The following NRG3 variants were observed in gnomAD, a reference collection of about 807,000 sequenced individuals.
NRG3 encodes neuregulin 3.
NRG3 carries 31 observed loss-of-function variants against 66.9 expected under a neutral mutation model. The ratio of observed to expected loss-of-function variants is 0.46; its 90% CI spans 0.35 to 0.63. The LOEUF is 0.63. NRG3 is among the 20% of genes least tolerant of loss of function. The pLI is 0.00. For synonymous variants in NRG3, 393 were observed against 359.4 expected (o/e 1.09, Z -1.06); for missense variants, 910 against 878.9 (o/e 1.04, Z -0.45).
At chr10:82,305,057 C>A (rs2080644224) in intron 1 of NRG3, among the ~76,000 whole-genome samples, 1 of 125,162 alleles carries the variant, frequency 8.0e-6, no homozygotes, top group African/African-American at 3.1e-5. Flanking sequence ...TGCAGTGGTG[C>A]GATCTCAGCT....
intron 2 of NRG3, among the ~76,000 whole-genome samples, chr10:82,431,728 T>TA (rs556508858): frequency 6.6e-5 from 10 of 152,126 alleles, no homozygotes; most frequent in Admixed American, 5.9e-4. Flanking sequence ...ATCAAAACAT[T>TA]AAAAAAAGAT....
intron 1 of NRG3, among the ~76,000 whole-genome samples, chr10:82,260,604 G>C (rs545568241): frequency 6.6e-6 from 1 of 152,302 alleles, no homozygotes; most frequent in African/African-American, 2.4e-5. Context: ...TTTCTGGTTT[G>C]AGATCGCTAG....
intron 1 of NRG3, among the ~76,000 whole-genome samples, chr10:82,349,728 G>T (rs532254645): frequency 1.3e-5 from 2 of 152,126 alleles, no homozygotes; most frequent in East Asian, 3.9e-4. Context: ...CTCCGTGGGC[G>T]TAGGACCCTC....
chr10:82,144,823 C>T (rs1257435879), intron 1 of NRG3, among the ~76,000 whole-genome samples: 1 of 152,166 alleles, frequency 6.6e-6, no homozygotes, highest in Non-Finnish European at 1.5e-5. Context: ...GATACTGAAG[C>T]ATCTAATGGT....
intron 1 of NRG3, among the ~76,000 whole-genome samples, chr10:81,959,656 C>G (rs534673260): frequency 6.6e-6 from 1 of 151,870 alleles, no homozygotes; most frequent in African/African-American, 2.4e-5. Flanking sequence ...TTCTCCAAGT[C>G]TTCCACTTTT....
At chr10:82,574,755 T>C (rs566762071) in intron 2 of NRG3, among the ~76,000 whole-genome samples, 3 of 151,936 alleles carry the variant, frequency 2.0e-5, no homozygotes, top group South Asian at 2.1e-4. Flanking sequence ...TTTGATACCA[T>C]AGATAAACCT....
rs113800899 is a variant in NRG3 at position 82,340,446 on chromosome 10, T to C, written c.824-18293T>C. Among the ~76,000 whole-genome samples, 184 of 152,296 alleles carry C rather than the reference T, an allele frequency of 1.2e-3. 1 individual carries two copies. The highest frequency in any genetic ancestry group is 2.1e-3 in the Non-Finnish European group (145 of 68,026). On this transcript the variant is annotated intron_variant, in intron 1 of 8. Coordinates refer to ENST00000372141, the MANE Select transcript of NRG3 (RefSeq NM_001010848.4). The stretch of plus-strand genomic sequence containing the variant: ...CTTGTGTTGCAATATCTATCCTTTC[T>C]TTATACCCCAGGTGGAGAAGAAAGT...
chr10:82,891,104 T>A (rs1239359905), intron 4 of NRG3, among the ~76,000 whole-genome samples: 1 of 151,996 alleles, frequency 6.6e-6, no homozygotes, highest in Non-Finnish European at 1.5e-5. Context: ...CTAGTTATTC[T>A]TGGCAATTTG....
At chr10:82,919,667 G>T (rs914819) in intron 4 of NRG3, among the ~76,000 whole-genome samples, 55,509 of 151,992 alleles carry the variant, frequency 0.37, 10,508 homozygotes, top group East Asian at 0.63. Context: ...GGAAAGGAAA[G>T]TCATCAATGC....
At chr10:81,877,947 C>G in intron 1 of NRG3, 1 of 1,537,526 alleles carries the variant, frequency 6.5e-7, no homozygotes, top group Non-Finnish European at 8.7e-7. Context: ...TCTTTTGATG[C>G]AGTTGATAGA....
At chr10:82,952,161 C>G (rs1432129327) in intron 5 of NRG3, among the ~76,000 whole-genome samples, 1 of 152,084 alleles carries the variant, frequency 6.6e-6, no homozygotes, top group Non-Finnish European at 1.5e-5. Flanking sequence ...AGGCCAGGTG[C>G]AGTGGCTCAG....
intron 3 of NRG3, among the ~76,000 whole-genome samples, chr10:82,753,348 A>T (rs893601582): frequency 1.3e-5 from 2 of 150,990 alleles, no homozygotes; most frequent in African/African-American, 4.9e-5. Context: ...GTTATTGGTG[A>T]TTTTCTTATT....
chr10:82,869,893 C>G (rs1416925387), intron 4 of NRG3, among the ~76,000 whole-genome samples: 1 of 151,756 alleles, frequency 6.6e-6, no homozygotes, highest in East Asian at 1.9e-4. Flanking sequence ...CAGGCGTGAG[C>G]CACCACACCT....
At chr10:82,534,879 G>T (rs1441665879) in intron 2 of NRG3, among the ~76,000 whole-genome samples, 1 of 151,364 alleles carries the variant, frequency 6.6e-6, no homozygotes, top group Non-Finnish European at 1.5e-5. Context: ...AATATACATT[G>T]AGGCCAGGCA....
chr10:82,515,195 A>G (rs1024598637), intron 2 of NRG3, among the ~76,000 whole-genome samples: 3 of 152,200 alleles, frequency 2.0e-5, no homozygotes, highest in Non-Finnish European at 4.4e-5. Flanking sequence ...TCTAATTTCA[A>G]AAGAAAAAAA....
At chr10:82,307,050 A>C (rs1313082708) in intron 1 of NRG3, among the ~76,000 whole-genome samples, 1 of 151,528 alleles carries the variant, frequency 6.6e-6, no homozygotes, top group Non-Finnish European at 1.5e-5. Context: ...TTATTTTATC[A>C]CTTTTTTTGA....
chr10:82,945,611 T>C (rs1455628840), intron 4 of NRG3, among the ~76,000 whole-genome samples: 1 of 152,132 alleles, frequency 6.6e-6, no homozygotes, highest in Non-Finnish European at 1.5e-5. Context: ...ATTCATCCTC[T>C]TATCAGAAGC....
chr10:82,186,372 A>G (rs965163531), intron 1 of NRG3, among the ~76,000 whole-genome samples: 32 of 152,274 alleles, frequency 2.1e-4, no homozygotes, highest in African/African-American at 7.0e-4. Context: ...ATCACCTAGG[A>G]AAGCCCCTTC....
intron 2 of NRG3, among the ~76,000 whole-genome samples, chr10:82,467,928 T>C (rs1564956337): frequency 6.6e-6 from 1 of 152,142 alleles, no homozygotes; most frequent in Non-Finnish European, 1.5e-5. Context: ...TGTGTGTGTG[T>C]GTATTTTGAA....
Sources: gnomAD v4.1 joint callset for allele counts (sites outside exome capture counted in the v4.1 genomes callset) on GRCh38, gnomAD v4.1.1 for gene constraint, MANE v1.5 for transcripts, NCBI Gene and HGNC (gene_info 2026-07-23, HGNC 2026-07-21) for gene names.